NIBAN2: variants seen among roughly 807,000 people sequenced by gnomAD.
NIBAN2 encodes protein Niban 2.
A neutral mutation model predicts 81.8 loss-of-function variants in NIBAN2; 36 were observed. The ratio of observed to expected loss-of-function variants is 0.44; its 90% CI spans 0.34 to 0.58. The LOEUF (loss-of-function observed/expected upper bound fraction) is 0.58, where lower values mean the gene tolerates loss of function less well. NIBAN2 is among the 20% of genes least tolerant of loss of function. NIBAN2 has a pLI of 0.02. For synonymous variants in NIBAN2, 445 were observed against 441.6 expected (o/e 1.01, Z -0.10); for missense variants, 897 against 1,014.1 (o/e 0.88, Z 1.57).
At position 127,569,046 on chromosome 9, in the gene NIBAN2, G is replaced by C. The variant is rs1380728427; in HGVS notation, c.-172C>G. The C allele has an allele frequency of 2.8e-6, 3 of 1,086,492 alleles. No homozygotes were observed. The highest frequency in any genetic ancestry group is 3.6e-5 in the African/African-American group (2 of 55,010). The allele number at this position is 1,086,492 out of a possible 1,614,324, so 67.3% of individuals were successfully genotyped here. A position where few individuals can be genotyped will look rare whatever the true frequency, so the allele number is the denominator to read the frequency against. On this transcript the variant is annotated 5_prime_UTR_variant, in exon 1 of 14. Coordinates refer to ENST00000373312, the MANE Select transcript of NIBAN2 (RefSeq NM_022833.4). The stretch of plus-strand genomic sequence containing the variant: ...TTCCGCTCCGGCTCCGCTCCCGGTC[G>C]GGCCCCGTCCCTCCAGCCGGCCGCC...
rs1048181042 is a variant in NIBAN2 at position 127,536,981 on chromosome 9, G to T, written c.56-5203C>A. On this transcript the variant is annotated intron_variant, in intron 1 of 13. Transcript: ENST00000373312. This position sits in a 1 kb window ranked among gnomAD's most constrained non-coding sequence, Gnocchi z 4.0. Reference sequence around the variant, plus strand: ...GCTTCTGTGAGCTACAGAGAGGCTGGGGTGGGGTGGTGTGAAGGTGTGTGC... The same window carrying T: ...GCTTCTGTGAGCTACAGAGAGGCTGTGGTGGGGTGGTGTGAAGGTGTGTGC... Among the ~76,000 whole-genome samples, 5 of 152,238 alleles carry T rather than the reference G, an allele frequency of 3.3e-5. No individual in the cohort carries two copies. The highest frequency in any genetic ancestry group is 1.3e-4 in the Admixed American group (2 of 15,282).
chr9:127,531,583 C>G, intron 2 of NIBAN2, 65 bp downstream of exon 2: 1 of 1,533,560 alleles, frequency 6.5e-7, no homozygotes, highest in Non-Finnish European at 8.9e-7. Flanking sequence ...AAAGTAAGGT[C>G]ACTCCCCCGA....
At chr9:127,509,787 CCTCCTTCCCTCCT>C (rs1190140801) in intron 9 of NIBAN2, 2 of 93,100 alleles carry the variant, frequency 2.1e-5, no homozygotes, top group African/African-American at 9.1e-5. Context: ...CCTCTCCTTC[CCTCCTTCCCTCCT>C]CTCCTTCCCT....
At chr9:127,538,065 G>T (rs1837310631) in intron 1 of NIBAN2, among the ~76,000 whole-genome samples, 2 of 152,158 alleles carry the variant, frequency 1.3e-5, no homozygotes, top group African/African-American at 4.8e-5. Context: ...GGGGATGCAG[G>T]TCCAGGGCAA....
intron 1 of NIBAN2, among the ~76,000 whole-genome samples, chr9:127,546,476 C>T (rs1837473952): frequency 6.6e-6 from 1 of 152,212 alleles, no homozygotes; most frequent in Non-Finnish European, 1.5e-5. Context: ...ATGTTCCCCT[C>T]AGCGTCCAGC....
Position 127,525,568 on chromosome 9 carries a change from T to TCTC in NIBAN2, c.316-406_316-405insGAG, listed in dbSNP as rs1294601681. On this transcript the variant is annotated intron_variant, in intron 3 of 13. Coordinates refer to ENST00000373312, the MANE Select transcript of NIBAN2 (RefSeq NM_022833.4). ...AGAGCCATGTGAGGACTGAGTGAGA[T>TCTC]AATCTGCAGTGCCTGGCACACCACA... 1.2e-4 allele frequency among the ~76,000 whole-genome samples: 19 copies of TCTC among 152,274 alleles called. No individual in the cohort carries two copies. The East Asian group carries it at 3.7e-3, about 29-fold the overall frequency.
chr9:127,550,265 A>T (rs1242041863), intron 1 of NIBAN2, among the ~76,000 whole-genome samples: 1 of 152,186 alleles, frequency 6.6e-6, no homozygotes, highest in Admixed American at 6.5e-5. Context: ...CACCTGGGAC[A>T]TGAGACAACG....
At chr9:127,512,763 G>GAATGTAAATGAGTACAAA (rs1836760463) in intron 8 of NIBAN2, among the ~76,000 whole-genome samples, 2 of 152,194 alleles carry the variant, frequency 1.3e-5, no homozygotes, top group Non-Finnish European at 2.9e-5. Context: ...AATTTTCAGG[G>GAATGTAAATGAGTACAAA]TTCACAGTGG....
At chr9:127,539,704 C>A (rs7041097) in intron 1 of NIBAN2, among the ~76,000 whole-genome samples, 17,535 of 152,150 alleles carry the variant, frequency 0.12, 2,965 homozygotes, top group African/African-American at 0.37. Context: ...TGGCCTCAGC[C>A]CCTCCTGTGA....
At chr9:127,546,714 C>T (rs1302781739) in intron 1 of NIBAN2, among the ~76,000 whole-genome samples, 1 of 152,198 alleles carries the variant, frequency 6.6e-6, no homozygotes, top group Non-Finnish European at 1.5e-5. Context: ...GGCTCTGAGG[C>T]TTCATCACGA....
chr9:127,523,187 AAAAAAATATATATATATATATATATAT>A (rs1564301263), intron 5 of NIBAN2, among the ~76,000 whole-genome samples: 3 of 29,270 alleles, frequency 1.0e-4, no homozygotes, highest in South Asian at 1.4e-3. Flanking sequence ...AAAAAAAAAA[AAAAAAATATATATATATATATATATAT>A]ATATATATAT....
intron 1 of NIBAN2, among the ~76,000 whole-genome samples, chr9:127,548,030 T>G (rs1476440869): frequency 2.0e-5 from 3 of 152,098 alleles, no homozygotes; most frequent in African/African-American, 7.2e-5. Flanking sequence ...ACATAAATGG[T>G]CAGGGTGCCC....
intron 5 of NIBAN2, among the ~76,000 whole-genome samples, chr9:127,519,501 G>T (rs1342259035): frequency 6.6e-6 from 1 of 152,194 alleles, no homozygotes; most frequent in East Asian, 1.9e-4. Flanking sequence ...GAAACCTAAG[G>T]CTCCCACTGC....
intron 8 of NIBAN2, among the ~76,000 whole-genome samples, chr9:127,515,085 G>A (rs1315450259): frequency 4.6e-5 from 7 of 152,188 alleles, no homozygotes; most frequent in African/African-American, 1.2e-4. Context: ...AATTAGCCAG[G>A]CGTGGTGGCC....
intron 1 of NIBAN2, among the ~76,000 whole-genome samples, chr9:127,542,581 C>T (rs1837400093): frequency 6.6e-6 from 1 of 152,238 alleles, no homozygotes; most frequent in African/African-American, 2.4e-5. Flanking sequence ...CGGAGCAGGC[C>T]CTTGGCTGGG....
At chr9:127,539,067 G>A (rs958839794) in intron 1 of NIBAN2, among the ~76,000 whole-genome samples, 8 of 152,008 alleles carry the variant, frequency 5.3e-5, no homozygotes, top group Admixed American at 5.2e-4. Flanking sequence ...GAAAAATTAA[G>A]GATCGAGCTG....
chr9:127,518,994 G>T (rs1672258092), intron 5 of NIBAN2, among the ~76,000 whole-genome samples: 1 of 151,964 alleles, frequency 6.6e-6, no homozygotes, highest in Admixed American at 6.6e-5. Flanking sequence ...GGCTAACATG[G>T]CAAAACCCCA....
In NIBAN2 at chr9:127,507,408, T is replaced by G; in HGVS notation, c.1678A>C (p.Arg560=). ...CTGTCCCGGTAGAGGTTGTGCTTCC[T>G]CTGCACCGCGGCCTCCTTCACAGCT... The part of the protein sequence containing the change: ...LQAVKEAAVQ[R]KHNLYRDSMV... Residue 560 remains arginine, a synonymous_variant, in exon 14 of 14, where the codon AGG becomes CGG. Coordinates refer to ENST00000373312, the MANE Select transcript of NIBAN2 (RefSeq NM_022833.4). This position sits in a 1 kb window ranked among gnomAD's most constrained non-coding sequence, Gnocchi z 6.8. 1 of 1,515,256 alleles carries G rather than the reference T, an allele frequency of 6.6e-7. No individual in the cohort carries two copies. Among genetic ancestry groups the G allele is most frequent in the East Asian group, 2.3e-5 (1 of 43,898 alleles). 93.9% of individuals were successfully genotyped at this position (1,515,256 alleles called of 1,614,324 possible).
At chr9:127,518,127 T>C (rs966001903) in intron 5 of NIBAN2, among the ~76,000 whole-genome samples, 186 bp from the exon 6 acceptor site, 4 of 152,140 alleles carry the variant, frequency 2.6e-5, no homozygotes, top group African/African-American at 9.7e-5. Context: ...AAAGCAGTAA[T>C]GACCCCACCA....
Sources: gnomAD v4.1 joint callset for allele counts (sites outside exome capture counted in the v4.1 genomes callset) on GRCh38, gnomAD v4.1.1 for gene constraint, Gnocchi (gnomAD v3.1) non-coding constraint, MANE v1.5 for transcripts, NCBI Gene and HGNC (gene_info 2026-07-23, HGNC 2026-07-21) for gene names.